Variants in DLGAP2 observed in about 807,000 individuals in gnomAD.
DLGAP2 encodes disks large-associated protein 2.
DLGAP2 carries 26 observed loss-of-function variants against 100.3 expected under a neutral mutation model. The observed-to-expected ratio is 0.26, with a 90% confidence interval of 0.19 to 0.36. The LOEUF is 0.36. DLGAP2 is among the 10% of genes least tolerant of loss of function. The pLI, the probability that DLGAP2 is intolerant of heterozygous loss-of-function variation, is 1.00. For synonymous variants in DLGAP2, 886 were observed against 630.1 expected (o/e 1.41, Z -6.08); for missense variants, 1,858 against 1,453.2 (o/e 1.28, Z -4.53).
intron 2 of DLGAP2, among the ~76,000 whole-genome samples, chr8:1,139,795 C>G (rs879667795): frequency 1.3e-5 from 2 of 152,070 alleles, no homozygotes; most frequent in African/African-American, 2.4e-5. Context: ...GTCCCAGGGG[C>G]TCTCTCAGCA....
At chr8:1,534,238 C>A (rs565315937) in intron 4 of DLGAP2, among the ~76,000 whole-genome samples, 1 of 152,306 alleles carries the variant, frequency 6.6e-6, no homozygotes, top group Non-Finnish European at 1.5e-5. Flanking sequence ...ATTATAATTA[C>A]TTTTGTGAAG....
chr8:1,133,500 CAATT>C (rs1404084034), intron 2 of DLGAP2, among the ~76,000 whole-genome samples: 1 of 152,094 alleles, frequency 6.6e-6, no homozygotes, highest in Non-Finnish European at 1.5e-5. Context: ...TTCTGGAAAA[CAATT>C]AAGTCCAACT....
intron 3 of DLGAP2, among the ~76,000 whole-genome samples, chr8:1,424,743 C>T (rs569196358): frequency 7.2e-5 from 11 of 152,090 alleles, no homozygotes; most frequent in Admixed American, 1.3e-4. Flanking sequence ...TCCCCTTACA[C>T]GCAGCACCTG....
At chr8:1,001,342 A>G (rs1800950103) in intron 2 of DLGAP2, among the ~76,000 whole-genome samples, 1 of 152,228 alleles carries the variant, frequency 6.6e-6, no homozygotes, top group African/African-American at 2.4e-5. Context: ...ACAAAAACAT[A>G]AGTTTGTGTT....
intron 3 of DLGAP2, among the ~76,000 whole-genome samples, chr8:1,389,151 G>A (rs1585326281): frequency 6.6e-6 from 1 of 152,172 alleles, no homozygotes; most frequent in South Asian, 2.1e-4. Context: ...ACAGACTAAG[G>A]GTGTGGAAGT....
chr8:1,357,919 A>C (rs1239948984), intron 3 of DLGAP2, among the ~76,000 whole-genome samples: 2 of 152,152 alleles, frequency 1.3e-5, no homozygotes, highest in African/African-American at 4.8e-5. Context: ...GGCTCCCCAC[A>C]CTGTGAGCAC....
At chr8:989,326 G>A (rs1176324380) in intron 2 of DLGAP2, among the ~76,000 whole-genome samples, 2 of 152,164 alleles carry the variant, frequency 1.3e-5, no homozygotes, top group Non-Finnish European at 2.9e-5. Flanking sequence ...GCTCTCCCAG[G>A]GCCTGAGGGA....
chr8:897,588 G>A lies in DLGAP2; in HGVS notation c.19-10324G>A, dbSNP rs557312438. On this transcript the variant is annotated intron_variant, in intron 1 of 14. Coordinates refer to ENST00000637795, the MANE Select transcript of DLGAP2 (RefSeq NM_001346810.2). ...GCCGAGGAGTCACGGGGGTGTGTGCGAGCGCGAAGGGCTGCGTCTCACTCC... is the reference window on the plus strand; with the variant it reads ...GCCGAGGAGTCACGGGGGTGTGTGCAAGCGCGAAGGGCTGCGTCTCACTCC... 2.6e-5 allele frequency among the ~76,000 whole-genome samples: 4 copies of A among 152,284 alleles called. No homozygotes were observed. The South Asian group carries it at 6.2e-4, about 24-fold the overall frequency.
chr8:770,267 G>A lies in DLGAP2; in HGVS notation c.18+32442G>A, dbSNP rs552630633. On this transcript the variant is annotated intron_variant, in intron 1 of 14. Coordinates refer to ENST00000637795, the MANE Select transcript of DLGAP2 (RefSeq NM_001346810.2). ...GGGTGAGGGAGAGTGCGTGCGTGGCGTGCGTGGCTCAGAGGGAGGATGGAG... is the reference window on the plus strand; with the variant it reads ...GGGTGAGGGAGAGTGCGTGCGTGGCATGCGTGGCTCAGAGGGAGGATGGAG... Among the ~76,000 whole-genome samples, 10 of 152,226 alleles carry A rather than the reference G, an allele frequency of 6.6e-5. No homozygotes were observed. The East Asian group carries it at 1.7e-3, about 27-fold the overall frequency.
At chr8:814,937 A>G (rs553370768) in intron 1 of DLGAP2, among the ~76,000 whole-genome samples, 1 of 152,142 alleles carries the variant, frequency 6.6e-6, no homozygotes, top group Non-Finnish European at 1.5e-5. Context: ...GATCAGATAT[A>G]TCTGAAGAAA....
chr8:756,807 G>C (rs187889232), intron 1 of DLGAP2, among the ~76,000 whole-genome samples: 2 of 152,082 alleles, frequency 1.3e-5, no homozygotes, highest in African/African-American at 2.4e-5. Flanking sequence ...TCCCGCCTCC[G>C]GTCTCTCTCG....
chr8:1,490,538 G>T (rs1475339820), intron 3 of DLGAP2, among the ~76,000 whole-genome samples: 1 of 152,246 alleles, frequency 6.6e-6, no homozygotes, highest in Admixed American at 6.5e-5. Flanking sequence ...GTGTTCGTGT[G>T]GAAAGACAGT....
intron 6 of DLGAP2, among the ~76,000 whole-genome samples, chr8:1,626,258 C>G (rs775491698): frequency 0.024 from 647 of 27,076 alleles, 1 homozygote; most frequent in African/African-American, 0.058. Flanking sequence ...CGGGTGCTCA[C>G]CCTCTGGGTG....
At chr8:1,332,324 G>A (rs567410049) in intron 3 of DLGAP2, among the ~76,000 whole-genome samples, 27 of 152,078 alleles carry the variant, frequency 1.8e-4, no homozygotes, top group East Asian at 1.5e-3. Context: ...GTCTGTATGC[G>A]AGGGTATATG....
intron 2 of DLGAP2, among the ~76,000 whole-genome samples, chr8:955,713 T>C (rs1186433649): frequency 6.6e-6 from 1 of 152,204 alleles, no homozygotes; most frequent in Non-Finnish European, 1.5e-5. Flanking sequence ...CCCAACTTCC[T>C]CAAAAAGTCT....
intron 2 of DLGAP2, among the ~76,000 whole-genome samples, chr8:1,018,448 G>T (rs989441857): frequency 4.6e-5 from 7 of 152,202 alleles, no homozygotes; most frequent in African/African-American, 1.4e-4. Context: ...GCTCTTGGCT[G>T]CCCTATGAAT....
chr8:923,071 A>G (rs1163152826), intron 2 of DLGAP2, among the ~76,000 whole-genome samples: 2 of 152,152 alleles, frequency 1.3e-5, no homozygotes, highest in African/African-American at 4.8e-5. Flanking sequence ...AGCTATGTCA[A>G]ACCCCGGGTG....
At chr8:802,435 T>C (rs1442521358) in intron 1 of DLGAP2, among the ~76,000 whole-genome samples, 3 of 152,226 alleles carry the variant, frequency 2.0e-5, no homozygotes, top group Admixed American at 1.3e-4. Flanking sequence ...ATCTCCACCC[T>C]GGGGTGGCCT....
intron 3 of DLGAP2, among the ~76,000 whole-genome samples, chr8:1,288,087 G>C (rs1189842585): frequency 6.8e-6 from 1 of 146,852 alleles, no homozygotes; most frequent in African/African-American, 2.5e-5. Context: ...TTTCGGTTCA[G>C]TGTGTGTGTG....
Sources: allele counts gnomAD v4.1 joint callset (sites outside exome capture counted in the v4.1 genomes callset), GRCh38; gene constraint gnomAD v4.1.1; transcripts MANE v1.5; gene names NCBI Gene and HGNC (gene_info 2026-07-23, HGNC 2026-07-21).